The following SEMA3E variants were observed in gnomAD, a reference collection of about 807,000 sequenced individuals.
The protein encoded by SEMA3E is semaphorin 3E.
SEMA3E carries 49 observed loss-of-function variants against 93.6 expected under a neutral mutation model. That is an observed-to-expected ratio of 0.52 (90% confidence interval 0.42 to 0.66). The LOEUF (loss-of-function observed/expected upper bound fraction) is 0.66. SEMA3E is among the 30% of genes least tolerant of loss of function. The pLI, the probability that SEMA3E is intolerant of heterozygous loss-of-function variation, is 0.00. For missense variants in SEMA3E, 906 were observed against 964.8 expected, an observed-to-expected ratio of 0.94 and a Z score of 0.81; for synonymous variants, 363 against 330.7, an observed-to-expected ratio of 1.10 and a Z score of -1.06.
At chr7:83,470,649 C>A (rs1233877316) in intron 2 of SEMA3E, among the ~76,000 whole-genome samples, 1 of 152,028 alleles carries the variant, frequency 6.6e-6, no homozygotes, top group African/African-American at 2.4e-5. Flanking sequence ...TTACCAGGTG[C>A]CTTCTTTGTA....
At chr7:83,429,249 A>G (rs371699000) in intron 4 of SEMA3E, among the ~76,000 whole-genome samples, 9 of 152,316 alleles carry the variant, frequency 5.9e-5, no homozygotes, top group African/African-American at 7.2e-5. Context: ...TCTTATTCCT[A>G]AAACTTTTAA....
At chr7:83,499,887 A>C (rs186240182) in intron 1 of SEMA3E, among the ~76,000 whole-genome samples, 1 of 152,186 alleles carries the variant, frequency 6.6e-6, no homozygotes, top group African/African-American at 2.4e-5. Context: ...GGCAAGGGGC[A>C]TTCTCAGTCT....
intron 1 of SEMA3E, among the ~76,000 whole-genome samples, chr7:83,559,312 A>G (rs1201639839): frequency 6.6e-6 from 1 of 152,102 alleles, no homozygotes; most frequent in Non-Finnish European, 1.5e-5. Flanking sequence ...AAGTCATGGA[A>G]TGGAAGTCAT....
At chr7:83,463,317 G>A (rs1789672796) in intron 4 of SEMA3E, among the ~76,000 whole-genome samples, 1 of 152,010 alleles carries the variant, frequency 6.6e-6, no homozygotes, top group Admixed American at 6.6e-5. Flanking sequence ...TGCAGCGGCT[G>A]CCGCTGCTTT....
chr7:83,376,280 T>C (rs1352303184), intron 16 of SEMA3E, among the ~76,000 whole-genome samples: 1 of 152,034 alleles, frequency 6.6e-6, no homozygotes, highest in African/African-American at 2.4e-5. Flanking sequence ...TAGGATAGCA[T>C]TGGTAAAAGT....
intron 4 of SEMA3E, among the ~76,000 whole-genome samples, chr7:83,436,772 C>T (rs563267834): frequency 6.6e-6 from 1 of 152,056 alleles, no homozygotes; most frequent in Non-Finnish European, 1.5e-5. Context: ...ATTTTAAAAC[C>T]TTGTTCAATA....
chr7:83,387,712 C>T (rs749843405), intron 14 of SEMA3E, among the ~76,000 whole-genome samples: 1 of 150,288 alleles, frequency 6.7e-6, no homozygotes, highest in Admixed American at 6.7e-5. Context: ...CAATCTGCCT[C>T]GTATAATTAG....
At chr7:83,430,569 A>G (rs1391891112) in intron 4 of SEMA3E, among the ~76,000 whole-genome samples, 1 of 152,184 alleles carries the variant, frequency 6.6e-6, no homozygotes, top group Non-Finnish European at 1.5e-5. Context: ...TTAGCAACCT[A>G]AGACAGGAAC....
At chr7:83,646,733 A>G (rs1234792088) in intron 1 of SEMA3E, among the ~76,000 whole-genome samples, 2 of 152,116 alleles carry the variant, frequency 1.3e-5, no homozygotes, top group Non-Finnish European at 2.9e-5. Context: ...AGTATTATGC[A>G]TAACATTTAC....
At chr7:83,461,741 A>G (rs1789622364) in intron 4 of SEMA3E, among the ~76,000 whole-genome samples, 1 of 152,146 alleles carries the variant, frequency 6.6e-6, no homozygotes, top group African/African-American at 2.4e-5. Flanking sequence ...TCCAAAAATT[A>G]AATTCCGGCC....
chr7:83,553,941 T>G (rs1333682068), intron 1 of SEMA3E, among the ~76,000 whole-genome samples: 1 of 152,162 alleles, frequency 6.6e-6, no homozygotes, highest in Non-Finnish European at 1.5e-5. Context: ...CAAATCTAAA[T>G]GTTATCAAGA....
intron 5 of SEMA3E, among the ~76,000 whole-genome samples, chr7:83,410,316 T>C (rs1788413495): frequency 6.6e-6 from 1 of 152,040 alleles, no homozygotes; most frequent in South Asian, 2.1e-4. Flanking sequence ...AATTTCTTTG[T>C]ATTTGAAAAT....
chr7:83,481,398 T>A (rs1790143551), intron 2 of SEMA3E, among the ~76,000 whole-genome samples: 1 of 152,188 alleles, frequency 6.6e-6, no homozygotes, highest in African/African-American at 2.4e-5. Context: ...AAAACACGTT[T>A]TTTTTCAATT....
intron 1 of SEMA3E, among the ~76,000 whole-genome samples, chr7:83,518,247 A>G (rs906158097): frequency 4.6e-5 from 7 of 152,152 alleles, no homozygotes; most frequent in Non-Finnish European, 1.5e-5. Flanking sequence ...TCTGGGGAAC[A>G]CTAAGAACTC....
intron 10 of SEMA3E, among the ~76,000 whole-genome samples, chr7:83,401,076 G>A (rs1343347013): frequency 6.6e-6 from 1 of 152,084 alleles, no homozygotes; most frequent in Non-Finnish European, 1.5e-5. Context: ...TGTAATCTAC[G>A]TGAATTTGTA....
At chr7:83,495,237 G>C (rs117710871) in intron 1 of SEMA3E, among the ~76,000 whole-genome samples, 1 of 151,896 alleles carries the variant, frequency 6.6e-6, no homozygotes, top group Non-Finnish European at 1.5e-5. Context: ...ATGTTGGAGA[G>C]TATCTGCCAA....
intron 4 of SEMA3E, among the ~76,000 whole-genome samples, chr7:83,419,170 T>C (rs1053498661): frequency 5.9e-5 from 9 of 152,166 alleles, no homozygotes; most frequent in South Asian, 2.1e-4. Context: ...ATTCCTGCCT[T>C]AATTCACTTA....
intron 1 of SEMA3E, among the ~76,000 whole-genome samples, chr7:83,581,663 C>A (rs1562842139): frequency 1.3e-5 from 2 of 152,072 alleles, no homozygotes; most frequent in East Asian, 3.9e-4. Flanking sequence ...AAAACGACAT[C>A]ACATAACTTC....
rs1396065032 is a variant in SEMA3E at position 83,551,004 on chromosome 7, GA to G, written c.116-60731del. Among the ~76,000 whole-genome samples the G allele has an allele frequency of 3.3e-5, 5 of 151,958 alleles. No individual in the cohort carries two copies. The East Asian group carries it at 7.7e-4, about 23-fold the overall frequency. The stretch of plus-strand genomic sequence containing the variant: ...GAGTTATTTTAGATGCATCAGATTG[GA>G]AAAAAATTAAAAATCAAAGTACTAA... On this transcript the variant is annotated intron_variant, in intron 1 of 16. Transcript: ENST00000643230.
Sources: allele counts gnomAD v4.1 joint callset (sites outside exome capture counted in the v4.1 genomes callset), GRCh38; gene constraint gnomAD v4.1.1; transcripts MANE v1.5; gene names NCBI Gene and HGNC (gene_info 2026-07-23, HGNC 2026-07-21).